Variants in SLC39A11 observed in about 807,000 individuals in gnomAD.
SLC39A11 encodes the protein solute carrier family 39 member 11.
SLC39A11 carries 33 observed loss-of-function variants against 36.1 expected under a neutral mutation model. The observed-to-expected ratio is 0.91, with a 90% CI of 0.69 to 1.22. The LOEUF (loss-of-function observed/expected upper bound fraction) is 1.22. SLC39A11 is among the 50% of genes most tolerant of loss of function. The pLI is 0.00. For synonymous variants in SLC39A11, 166 were observed against 170.3 expected (o/e 0.97, Z 0.20); for missense variants, 432 against 430.3 (o/e 1.00, Z -0.03).
chr17:72,910,015 G>C (rs1315589724), intron 5 of SLC39A11, among the ~76,000 whole-genome samples: 3 of 151,974 alleles, frequency 2.0e-5, no homozygotes, highest in Non-Finnish European at 2.9e-5. Flanking sequence ...GCCTCCCAAA[G>C]TGTTGGGATT....
chr17:72,796,952 G>A (rs956409732), intron 6 of SLC39A11, among the ~76,000 whole-genome samples: 3 of 152,138 alleles, frequency 2.0e-5, no homozygotes, highest in Non-Finnish European at 4.4e-5. Context: ...TGCCAAAGAA[G>A]TGATGTGTAC....
At chr17:72,989,987 T>C (rs1030673658) in intron 4 of SLC39A11, among the ~76,000 whole-genome samples, 1 of 152,246 alleles carries the variant, frequency 6.6e-6, no homozygotes, top group African/African-American at 2.4e-5. Context: ...AGCCTAAAAA[T>C]GGATAATGCT....
In SLC39A11 at chr17:72,987,341, T is replaced by A. The variant is rs993356660; in HGVS notation, c.307-39466A>T. On this transcript the variant is annotated intron_variant, in intron 4 of 9. Coordinates refer to ENST00000255559, the MANE Select transcript of SLC39A11 (RefSeq NM_139177.4). The stretch of plus-strand genomic sequence containing the variant: ...GGTATTCCTTTATGGCAACACTTAA[T>A]GGACTAAGACACTCCACAAGGACCT... Among the ~76,000 whole-genome samples the A allele has an allele frequency of 3.9e-5, 6 of 152,334 alleles. No individual in the cohort carries two copies. In the South Asian group the frequency reaches 1.2e-3, roughly 32 times the overall value.
At position 72,646,722 on chromosome 17, in the gene SLC39A11, T is replaced by C. The variant is rs1023089729; in HGVS notation, c.*862A>G. 1.3e-5 allele frequency: 2 copies of C among 152,612 alleles called. No individual in the cohort carries two copies. The highest frequency in any genetic ancestry group is 2.9e-5 in the Non-Finnish European group (2 of 68,022). 9.5% of individuals were successfully genotyped at this position (152,612 alleles called of 1,614,324 possible). ...ATTGAAGAGTTTGAGTTCTAGCAGT[T>C]TGCTGGTGTCTCCAAGTCTCTTAGA... On this transcript the variant is annotated 3_prime_UTR_variant, in exon 10 of 10. Coordinates refer to ENST00000255559, the MANE Select transcript of SLC39A11 (RefSeq NM_139177.4).
At chr17:72,953,945 G>A (rs2086062054) in intron 4 of SLC39A11, among the ~76,000 whole-genome samples, 1 of 152,184 alleles carries the variant, frequency 6.6e-6, no homozygotes, top group African/African-American at 2.4e-5. Context: ...TCAGGACGGG[G>A]GAGCTCTGTT....
intron 5 of SLC39A11, among the ~76,000 whole-genome samples, chr17:72,873,760 C>T (rs1055153011): frequency 2.0e-5 from 3 of 152,222 alleles, no homozygotes; most frequent in East Asian, 1.9e-4. Context: ...AACTGGGTTT[C>T]GCTCCCAGAA....
chr17:72,962,683 C>T (rs1405205577), intron 4 of SLC39A11, among the ~76,000 whole-genome samples: 1 of 152,148 alleles, frequency 6.6e-6, no homozygotes, highest in South Asian at 2.1e-4. Flanking sequence ...ACTACAGGCA[C>T]ACGCCACCAC....
At chr17:72,923,977 G>A (rs981314616) in intron 5 of SLC39A11, among the ~76,000 whole-genome samples, 3 of 151,424 alleles carry the variant, frequency 2.0e-5, no homozygotes, top group Admixed American at 6.6e-5. Context: ...AAGACTTGTC[G>A]CTACAACAAA....
intron 5 of SLC39A11, among the ~76,000 whole-genome samples, chr17:72,859,742 T>C (rs976241185): frequency 2.7e-5 from 4 of 147,910 alleles, no homozygotes; most frequent in African/African-American, 7.5e-5. Flanking sequence ...AACTAAAATA[T>C]TTATTATGGG....
At chr17:72,719,068 G>A (rs1056616809) in intron 7 of SLC39A11, among the ~76,000 whole-genome samples, 16 of 141,200 alleles carry the variant, frequency 1.1e-4, no homozygotes, top group Admixed American at 4.9e-4. Flanking sequence ...GCAAAACCCC[G>A]AATCTACTAA....
intron 7 of SLC39A11, among the ~76,000 whole-genome samples, chr17:72,691,876 G>A (rs1158727647): frequency 3.3e-5 from 5 of 152,122 alleles, no homozygotes; most frequent in Non-Finnish European, 7.4e-5. Context: ...CAAATAGGAG[G>A]TTTAGCACTA....
At chr17:72,664,039 G>A (rs1283851844) in intron 7 of SLC39A11, 4 of 158,806 alleles carry the variant, frequency 2.5e-5, no homozygotes, top group East Asian at 1.9e-4. Context: ...CGGGAGGGAC[G>A]CACATGGAGC....
intron 4 of SLC39A11, among the ~76,000 whole-genome samples, chr17:72,959,674 C>T (rs1262761689): frequency 2.0e-5 from 3 of 151,952 alleles, no homozygotes; most frequent in Non-Finnish European, 4.4e-5. Flanking sequence ...AAAGAACTTA[C>T]TCATGTAACC....
intron 5 of SLC39A11, among the ~76,000 whole-genome samples, chr17:72,945,134 GTCCCAAAATA>G (rs1457580969): frequency 1.3e-5 from 2 of 152,148 alleles, no homozygotes; most frequent in Non-Finnish European, 2.9e-5. Context: ...GCCTACCTAA[GTCCCAAAATA>G]TCCCCAGCCT....
At chr17:72,981,683 T>A (rs1336811113) in intron 4 of SLC39A11, among the ~76,000 whole-genome samples, 1 of 149,490 alleles carries the variant, frequency 6.7e-6, no homozygotes, top group Non-Finnish European at 1.5e-5. Context: ...TAAGTATGAA[T>A]CAAAAAAGAC....
intron 6 of SLC39A11, among the ~76,000 whole-genome samples, chr17:72,790,537 C>CT (rs1555673415): frequency 4.4e-3 from 643 of 145,384 alleles, no homozygotes; most frequent in Admixed American, 6.2e-3. Context: ...CTCTCTCTCT[C>CT]TTTTTTTTTT....
chr17:72,658,250 C>T (rs775583021), intron 7 of SLC39A11, among the ~76,000 whole-genome samples: 9 of 152,164 alleles, frequency 5.9e-5, no homozygotes, highest in Non-Finnish European at 1.3e-4. Context: ...TTGGCCTCTC[C>T]GTGGGCTGGA....
chr17:72,772,986 T>C (rs1303393982), intron 6 of SLC39A11, among the ~76,000 whole-genome samples: 1 of 152,066 alleles, frequency 6.6e-6, no homozygotes, highest in African/African-American at 2.4e-5. Context: ...CTCGGGAGGC[T>C]AAGGCAGGAG....
At chr17:72,980,095 G>A (rs1290968112) in intron 4 of SLC39A11, among the ~76,000 whole-genome samples, 1 of 152,074 alleles carries the variant, frequency 6.6e-6, no homozygotes, top group Non-Finnish European at 1.5e-5. Flanking sequence ...CAACAATAGC[G>A]GGACCCAGGT....
Sources: gnomAD v4.1 joint callset for allele counts (sites outside exome capture counted in the v4.1 genomes callset) on GRCh38, gnomAD v4.1.1 for gene constraint, MANE v1.5 for transcripts, NCBI Gene and HGNC (gene_info 2026-07-23, HGNC 2026-07-21) for gene names.